Variants in DDX43 observed in about 807,000 individuals in gnomAD.
The protein encoded by DDX43 is probable ATP-dependent RNA helicase DDX43.
DDX43 carries 50 observed loss-of-function variants against 84.9 expected under a neutral mutation model. The ratio of observed to expected loss-of-function variants is 0.59; its 90% CI spans 0.47 to 0.75. The LOEUF (loss-of-function observed/expected upper bound fraction) is 0.75. DDX43 is among the 30% of genes least tolerant of loss of function. The pLI, the probability that DDX43 is intolerant of heterozygous loss-of-function variation, is 0.00. For missense variants in DDX43, 689 were observed against 798.6 expected (o/e 0.86, Z 1.65); for synonymous variants, 291 against 266.3 (o/e 1.09, Z -0.90).
chr6:73,401,827 A>T (rs751130084), intron 3 of DDX43, 32 bp from the exon 4 acceptor site: 1 of 1,565,260 alleles, frequency 6.4e-7, no homozygotes, highest in Non-Finnish European at 8.6e-7. Context: ...AAAAAATAGA[A>T]AAAAACTAAT....
At chr6:73,412,676 CGCGTGTGTGTGTGTGCGCGTGCGT>C (rs1237370285) in intron 11 of DDX43, among the ~76,000 whole-genome samples, 2 of 62,524 alleles carry the variant, frequency 3.2e-5, no homozygotes, top group African/African-American at 9.9e-5. Context: ...TGTGCGCGCG[CGCGTGTGTGTGTGTGCGCGTGCGT>C]GCGCACGCAT....
In DDX43 at chr6:73,407,667, G is replaced by T. The variant is rs1335818320; in HGVS notation, c.1037+52G>T. ...CACCAGTATCATATTTTAATCATTT[G>T]TAGCTTTACACATCTTCCCCATCAT... On this transcript the variant is annotated intron_variant, in intron 8 of 16. Transcript: ENST00000370336. 4 of 1,255,244 alleles carry T rather than the reference G, an allele frequency of 3.2e-6. No homozygotes were observed. The Admixed American group carries it at 7.1e-5, about 22-fold the overall frequency. 77.8% of individuals were successfully genotyped at this position (1,255,244 alleles called of 1,614,324 possible). A position where few individuals can be genotyped will look rare whatever the true frequency, so the allele number is the denominator to read the frequency against.
intron 11 of DDX43, among the ~76,000 whole-genome samples, chr6:73,412,678 CGTGTGTGTGTGTGCGCGT>C (rs1434748561): frequency 1.3e-5 from 1 of 76,406 alleles, no homozygotes; most frequent in Non-Finnish European, 3.0e-5. Flanking sequence ...TGCGCGCGCG[CGTGTGTGTGTGTGCGCGT>C]GCGTGCGCAC....
At chr6:73,398,325 C>T (rs1011651498) in intron 2 of DDX43, among the ~76,000 whole-genome samples, 2 of 152,124 alleles carry the variant, frequency 1.3e-5, no homozygotes, top group African/African-American at 2.4e-5. Flanking sequence ...GATCTTGGGT[C>T]ACTGCAACCT....
intron 5 of DDX43, among the ~76,000 whole-genome samples, chr6:73,405,113 GAAA>G (rs201272137): frequency 7.4e-6 from 1 of 134,600 alleles, no homozygotes. Context: ...TAGTTGAATT[GAAA>G]AAAAAAAAAA....
chr6:73,409,669 C>A (rs1294216025), intron 10 of DDX43, among the ~76,000 whole-genome samples: 1 of 152,150 alleles, frequency 6.6e-6, no homozygotes, highest in Non-Finnish European at 1.5e-5. Flanking sequence ...AAACAGGAAG[C>A]AATGATTATT....
intron 10 of DDX43, among the ~76,000 whole-genome samples, chr6:73,411,077 G>C (rs1301594261): frequency 6.7e-6 from 1 of 148,794 alleles, no homozygotes; most frequent in Non-Finnish European, 1.5e-5. Flanking sequence ...TCGGGAGCCT[G>C]AGGCAGGAGA....
At position 73,406,558 on chromosome 6, in the gene DDX43, T is replaced by C. The variant is rs1183923709; in HGVS notation, c.926+76T>C. ...ATATCAAAAATGTAATTAAAGTTTC[T>C]TTACCTATTGCTTGATCCAAAGGTA... is the stretch of plus-strand genomic sequence containing the variant. On this transcript the variant is annotated intron_variant, in intron 7 of 16. Transcript: ENST00000370336. 4.3e-6 allele frequency: 4 copies of C among 922,680 alleles called. No homozygotes were observed. The African/African-American group carries it at 6.7e-5, about 15-fold the overall frequency. 57.2% of individuals were successfully genotyped at this position (922,680 alleles called of 1,614,324 possible). A position where few individuals can be genotyped will look rare whatever the true frequency, so the allele number is the denominator to read the frequency against.
At chr6:73,402,033 A>T (rs1769585772) in intron 4 of DDX43, 43 bp downstream of exon 4, 1 of 1,607,708 alleles carries the variant, frequency 6.2e-7, no homozygotes, top group Admixed American at 1.7e-5. Flanking sequence ...GTTTCTGTTA[A>T]CTGCAGTTTT....
chr6:73,404,885 G>GA, intron 5 of DDX43, 114 bp downstream of exon 5: 1 of 820,680 alleles, frequency 1.2e-6, no homozygotes, highest in Non-Finnish European at 1.9e-6. Context: ...ATATTCAAAT[G>GA]AAAATGTGTC....
intron 14 of DDX43, 104 bp from the exon 15 acceptor site, chr6:73,415,393 C>T (rs1198832506): frequency 1.4e-6 from 1 of 696,142 alleles, no homozygotes; most frequent in East Asian, 2.8e-5. Context: ...ATCTGTTTGA[C>T]CCTAAATCTT....
chr6:73,407,446 A>G, intron 7 of DDX43, 59 bp from the exon 8 acceptor site: 1 of 1,178,132 alleles, frequency 8.5e-7, no homozygotes, highest in Non-Finnish European at 1.3e-6. Context: ...ATGGTACTGA[A>G]TAAATGTACC....
At chr6:73,407,935 A>C (rs2150796417) in intron 8 of DDX43, 25 bp from the exon 9 acceptor site, 1 of 1,599,268 alleles carries the variant, frequency 6.3e-7, no homozygotes, top group Non-Finnish European at 8.5e-7. Flanking sequence ...CCTAAACATT[A>C]ACCTTTAGAT....
In DDX43 at chr6:73,417,362, G is replaced by A. The variant is rs971865403; in HGVS notation, c.*201G>A. On this transcript the variant is annotated 3_prime_UTR_variant, in exon 17 of 17. Coordinates refer to ENST00000370336, the MANE Select transcript of DDX43 (RefSeq NM_018665.3). ...TATTTAAACTTGGAAGTTGTTTCCT[G>A]GATTTTTATTAAGGAGTGTAGCATT... 1 of 152,024 alleles carries A rather than the reference G, an allele frequency of 6.6e-6. No homozygotes were observed. The highest frequency in any genetic ancestry group is 1.5e-5 in the Non-Finnish European group (1 of 68,002). 9.4% of individuals were successfully genotyped at this position (152,024 alleles called of 1,614,324 possible). A position where few individuals can be genotyped will look rare whatever the true frequency, so the allele number is the denominator to read the frequency against.
Position 73,407,567 on chromosome 6 carries a change from T to G in DDX43, c.989T>G (p.Leu330Arg). 2 of 1,614,102 alleles carry G rather than the reference T, an allele frequency of 1.2e-6. No individual in the cohort carries two copies. Among genetic ancestry groups the G allele is most frequent in the South Asian group, 2.2e-5 (2 of 91,086 alleles). The change falls in exon 8 of 17, where the codon CTT (leucine) becomes CGT (arginine). Residue 330 changes from leucine (L) to arginine (R), a missense_variant. Leu to Arg is a moderately radical substitution (Grantham distance 102, BLOSUM62 -2). This residue lies in a region of DDX43 where 552 missense variants were observed against 692.7 expected (regional missense o/e 0.80). Transcript: ENST00000370336. ...LVLTPTRELALQVEGECCKYS... is the reference protein window; with the variant it reads ...LVLTPTRELARQVEGECCKYS... ...CTAACTCCCACTCGGGAATTAGCAC[T>G]TCAAGTAGAAGGAGAATGTTGCAAA...
Position 73,414,060 on chromosome 6 carries a change from A to G in DDX43, c.1587A>G (p.Ala529=), listed in dbSNP as rs763586662. 8 of 1,600,158 alleles carry G rather than the reference A, an allele frequency of 5.0e-6. No homozygotes were observed. Among genetic ancestry groups the G allele is most frequent in the Non-Finnish European group, 6.0e-6 (7 of 1,167,442 alleles). Residue 529 remains alanine, a synonymous_variant, in exon 13 of 17, where the codon GCA becomes GCG. Coordinates refer to ENST00000370336, the MANE Select transcript of DDX43 (RefSeq NM_018665.3). ...GDREQRDREK[A]LENFKTGKVR... is the part of the protein sequence containing the mutation. ...GAGAACAGAGAGATCGGGAGAAAGC[A>G]TTAGAGAACTTTAAAACAGGTATGT...
chr6:73,409,224 C>G, intron 9 of DDX43, 24 bp from the exon 10 acceptor site: 1 of 1,580,676 alleles, frequency 6.3e-7, no homozygotes, highest in Non-Finnish European at 8.7e-7. Flanking sequence ...TCTAATCTAA[C>G]CACATTCTTT....
chr6:73,397,611 T>C, intron 1 of DDX43, 78 bp from the exon 2 acceptor site: 1 of 1,166,032 alleles, frequency 8.6e-7, no homozygotes, highest in Non-Finnish European at 1.3e-6. Flanking sequence ...CTAGAGAATG[T>C]TTGTTGAGGA....
At chr6:73,405,315 AAC>A (rs1357939435) in intron 5 of DDX43, among the ~76,000 whole-genome samples, 1 of 152,192 alleles carries the variant, frequency 6.6e-6, no homozygotes, top group Non-Finnish European at 1.5e-5. Flanking sequence ...AATACTTCCT[AAC>A]ACATAGGATT....
Sources: allele counts gnomAD v4.1 joint callset (sites outside exome capture counted in the v4.1 genomes callset), GRCh38; gene constraint gnomAD v4.1.1; regional missense constraint gnomAD v4.1.1; transcripts MANE v1.5; gene names NCBI Gene and HGNC (gene_info 2026-07-23, HGNC 2026-07-21).